The following PLXNA3 variants were observed in gnomAD, a reference collection of about 807,000 sequenced individuals.
PLXNA3 encodes plexin A3.
In PLXNA3, 52 loss-of-function variants were observed where a neutral mutation model predicts 118.8. The ratio of observed to expected loss-of-function variants is 0.44; its 90% CI spans 0.35 to 0.55. The LOEUF is 0.55. Among genes scored for constraint, PLXNA3 ranks in the 20% least tolerant of loss-of-function variants. PLXNA3 has a pLI of 0.01. For synonymous variants in PLXNA3, 925 were observed against 762.4 expected, an observed-to-expected ratio of 1.21 and a Z score of -3.51; for missense variants, 1,660 against 1,730.8, an observed-to-expected ratio of 0.96 and a Z score of 0.73.
At chrX:154,468,629 C>T (rs781874190) in intron 23 of PLXNA3, 34 bp from the exon 24 acceptor site, 2 of 1,209,393 alleles carry the variant, frequency 1.7e-6, no homozygotes, top group Admixed American at 2.2e-5. Context: ...AAGCCCCACC[C>T]CTGCCAGGCC....
intron 2 of PLXNA3, among the ~76,000 whole-genome samples, 154 bp downstream of exon 2, chrX:154,460,931 G>A (rs781961612): frequency 2.7e-5 from 3 of 112,480 alleles, no homozygotes; most frequent in African/African-American, 9.7e-5. Context: ...CCCAGGTTGC[G>A]GGGGTCCCCT....
At chrX:154,468,603 G>A (rs782385842) in intron 23 of PLXNA3, 44 bp downstream of exon 23, 1 of 1,208,546 alleles carries the variant, frequency 8.3e-7, no homozygotes, top group Non-Finnish European at 1.1e-6. Flanking sequence ...GTCCTGCCTG[G>A]GCCTGCCCCC....
rs782759488 is a variant in PLXNA3, at chrX:154,469,967, T to C, written c.4796-10T>C. 1 of 1,208,997 alleles carries C rather than the reference T, an allele frequency of 8.3e-7. No homozygotes were observed. On this transcript the variant is annotated splice_polypyrimidine_tract_variant and intron_variant, in intron 28 of 32. Coordinates refer to ENST00000369682, the MANE Select transcript of PLXNA3 (RefSeq NM_017514.5). ...GGTGGCCTAAGGGTCACATGCATTC[T>C]CTGCTCCAGAGAGCTTGCTCCGCAC...
chrX:154,471,116 G>A lies in PLXNA3; in HGVS notation c.5168G>A (p.Arg1723His). The change falls in exon 31 of 33, where the codon CGC becomes CAC. Residue 1723 changes from arginine to histidine, a missense_variant. Arg to His is a conservative substitution (Grantham distance 29). This residue lies in a region of PLXNA3 where 869 missense variants were observed against 1,078.7 expected (regional missense o/e 0.81). Transcript: ENST00000369682. Reference sequence around the variant, plus strand: ...TCTGTTGTCCACAGCCTGCCGCTGCGCTTCTGGGTGAATGTGATCAAGAAC... The same window carrying A: ...TCTGTTGTCCACAGCCTGCCGCTGCACTTCTGGGTGAATGTGATCAAGAAC... ...HTWKSNCLPL[R>H]FWVNVIKNPQ... 2 of 1,210,570 alleles carry A rather than the reference G, an allele frequency of 1.7e-6. No homozygotes were observed. Among genetic ancestry groups the A allele is most frequent in the Non-Finnish European group, 2.2e-6 (2 of 894,868 alleles).
In PLXNA3 at chrX:154,472,767, C is replaced by T; in HGVS notation, c.*82C>T. On this transcript the variant is annotated 3_prime_UTR_variant, in exon 33 of 33. Transcript: ENST00000369682. ...GGGAGTGGCTGGCTCAAGCCTGGGT[C>T]CCCGGGCTGAGCCCTGGATTGGGTA... The T allele has an allele frequency of 2.7e-6, 2 of 733,549 alleles. No individual in the cohort carries two copies. Among genetic ancestry groups the T allele is most frequent in the Non-Finnish European group, 4.3e-6 (2 of 468,536 alleles). The allele number at this position is 733,549 out of a possible 1,213,427, so 60.5% of individuals were successfully genotyped here. A position where few individuals can be genotyped will look rare whatever the true frequency, so the allele number is the denominator to read the frequency against.
chrX:154,465,514 T>C lies in PLXNA3; in HGVS notation c.2335T>C (p.Phe779Leu). Reference sequence around the variant, plus strand: ...CTTCCCCATAGACAAGCCTCCCAGCTTCCGAGGTGAAGGCATGGGCCAGGG... The same window carrying C: ...CTTCCCCATAGACAAGCCTCCCAGCCTCCGAGGTGAAGGCATGGGCCAGGG... ...GDFPIDKPPS[F>L]RALLYKCWAQ... Residue 779 changes from phenylalanine (F) to leucine (L), a missense_variant, in exon 12 of 33, where the codon TTC becomes CTC. Coordinates refer to ENST00000369682, the MANE Select transcript of PLXNA3 (RefSeq NM_017514.5). 8.3e-7 allele frequency: 1 copy of C among 1,203,069 alleles called. No homozygotes were observed. The highest frequency in any genetic ancestry group is 1.1e-6 in the Non-Finnish European group (1 of 887,603).
intron 4 of PLXNA3, among the ~76,000 whole-genome samples, chrX:154,462,955 G>C (rs1050105233): frequency 9.0e-6 from 1 of 111,295 alleles, no homozygotes; most frequent in Admixed American, 9.5e-5. Flanking sequence ...AGGGTTTGTG[G>C]AGAAGGATGA....
Position 154,460,838 on chromosome X carries a change from C to T in PLXNA3, c.594+61C>T, listed in dbSNP as rs1232253714. Reference sequence around the variant, plus strand: ...GTCCTGGCTCTGCCTCCCAGAAGAGCCCTGTTCTTTCTGAGAGGGGACTTT... The same window carrying T: ...GTCCTGGCTCTGCCTCCCAGAAGAGTCCTGTTCTTTCTGAGAGGGGACTTT... On this transcript the variant is annotated intron_variant, in intron 2 of 32. Transcript: ENST00000369682. 5.6e-6 allele frequency: 5 copies of T among 886,031 alleles called. No individual in the cohort carries two copies. In the Admixed American group the frequency reaches 9.7e-5, roughly 17 times the overall value. 73.0% of individuals were successfully genotyped at this position (886,031 alleles called of 1,213,427 possible).
intron 22 of PLXNA3, 36 bp downstream of exon 22, chrX:154,468,260 T>C (rs782482807): frequency 2.5e-5 from 29 of 1,173,491 alleles, no homozygotes; most frequent in Non-Finnish European, 3.1e-5. Flanking sequence ...CACCATTCCC[T>C]TCAGGGCCGC....
In PLXNA3 at chrX:154,465,420, C is replaced by T. The variant is rs2069063851; in HGVS notation, c.2245-4C>T. ...CTGGGGTCCCATGGGTTCCTTTCCT[C>T]CAGTACTCCTATGAAGGTGATGAGC... On this transcript the variant is annotated splice_region_variant and splice_polypyrimidine_tract_variant and intron_variant, in intron 11 of 32. Transcript: ENST00000369682. The T allele has an allele frequency of 8.4e-7, 1 of 1,196,057 alleles. No individual in the cohort carries two copies. Among genetic ancestry groups the T allele is most frequent in the African/African-American group, 1.8e-5 (1 of 56,611 alleles).
In PLXNA3 at chrX:154,469,959, A is replaced by G. The variant is rs1557208802; in HGVS notation, c.4796-18A>G. 2 of 1,206,200 alleles carry G rather than the reference A, an allele frequency of 1.7e-6. No individual in the cohort carries two copies. The highest frequency in any genetic ancestry group is 2.2e-6 in the Non-Finnish European group (2 of 892,117). On this transcript the variant is annotated intron_variant, in intron 28 of 32. Coordinates refer to ENST00000369682, the MANE Select transcript of PLXNA3 (RefSeq NM_017514.5). ...GGCCAGGTGGTGGCCTAAGGGTCAC[A>G]TGCATTCTCTGCTCCAGAGAGCTTG...
chrX:154,466,109 C>T (rs920977410), intron 14 of PLXNA3, 29 bp downstream of exon 14: 12 of 1,208,241 alleles, frequency 9.9e-6, no homozygotes, highest in Non-Finnish European at 1.2e-5. Context: ...GTGCCCGGGC[C>T]GTATGTGGCC....
At chrX:154,470,710 G>A in intron 30 of PLXNA3, 99 bp downstream of exon 30, 1 of 838,660 alleles carries the variant, frequency 1.2e-6, no homozygotes, top group Non-Finnish European at 1.7e-6. Context: ...GTAGCATCCA[G>A]GCAGGAGGGA....
intron 30 of PLXNA3, chrX:154,470,837 C>T (rs1234998500): frequency 4.5e-6 from 2 of 448,075 alleles, no homozygotes; most frequent in Non-Finnish European, 7.7e-6. Context: ...GGCCTTTGCC[C>T]TCTGGGGTCT....
rs201608832 is a variant in PLXNA3, at chrX:154,465,014, G to A, written c.2044-4G>A. On this transcript the variant is annotated splice_region_variant and splice_polypyrimidine_tract_variant and intron_variant, in intron 10 of 32. Transcript: ENST00000369682. ...TGTGCAGCTGACAGGTGCTTTCCCC[G>A]CAGGGCTGCCCTGAGATCCTGCCCA... is the stretch of plus-strand genomic sequence containing the variant. 575 of 1,189,151 alleles carry A rather than the reference G, an allele frequency of 4.8e-4. 2 individuals are homozygous for A. The African/African-American group carries it at 6.5e-3, about 13-fold the overall frequency.
At position 154,475,463 on chromosome X, in the gene PLXNA3, G is replaced by GC. The variant is rs1456631710; in HGVS notation, c.*2780dup. Reference sequence around the variant, plus strand: ...AATTTTAAATAGGGTGGCTTGGACAGCCACCTGAGTTGGGTTTAAAAGCTG... The same window carrying GC: ...AATTTTAAATAGGGTGGCTTGGACAGCCCACCTGAGTTGGGTTTAAAAGCTG... On this transcript the variant is annotated 3_prime_UTR_variant, in exon 33 of 33. Coordinates refer to ENST00000369682, the MANE Select transcript of PLXNA3 (RefSeq NM_017514.5). 2 of 111,966 alleles carry GC rather than the reference G, an allele frequency of 1.8e-5. No homozygotes were observed. The highest frequency in any genetic ancestry group is 3.8e-5 in the Non-Finnish European group (2 of 53,151). 9.2% of individuals were successfully genotyped at this position (111,966 alleles called of 1,213,427 possible).
In PLXNA3 at chrX:154,460,425, C is replaced by G. The variant is rs1557203378; in HGVS notation, c.242C>G (p.Pro81Arg). Residue 81 changes from proline to arginine, a missense_variant, in exon 2 of 33, where the codon CCC (proline) becomes CGC (arginine). Physicochemically the swap from Pro to Arg is moderately radical, Grantham distance 103 (BLOSUM62 -2). Around this residue, in one of 2 missense-constraint regions of PLXNA3, gnomAD observed 791 missense variants for 652.1 expected, o/e 1.21. Transcript: ENST00000369682. ...GACAACGCTCGCTGCTACCCGCCCC[C>G]CAGCATGCGCGTGTGTGCCCACCGC... ...VEDNARCYPP[P>R]SMRVCAHRLA... 1 of 1,203,121 alleles carries G rather than the reference C, an allele frequency of 8.3e-7. No individual in the cohort carries two copies. The highest frequency in any genetic ancestry group is 3.0e-5 in the East Asian group (1 of 33,686).
Position 154,466,019 on chromosome X carries a change from G to C in PLXNA3, c.2617G>C (p.Gly873Arg). ...ENLGLLSREV[G>R]LRVAGVRCNS... The stretch of plus-strand genomic sequence containing the variant: ...CCTGGGCCTCTTGTCCCGAGAGGTG[G>C]GCCTGCGGGTGGCTGGCGTGCGTTG... Residue 873 changes from glycine to arginine, a missense_variant, in exon 14 of 33, where the codon GGC becomes CGC. Physicochemically the swap from Gly to Arg is moderately radical, Grantham distance 125. This residue lies in a region of PLXNA3 where 869 missense variants were observed against 1,078.7 expected (regional missense o/e 0.81). Transcript: ENST00000369682. 1 of 1,210,642 alleles carries C rather than the reference G, an allele frequency of 8.3e-7. No individual in the cohort carries two copies. Among genetic ancestry groups the C allele is most frequent in the Non-Finnish European group, 1.1e-6 (1 of 894,768 alleles).
chrX:154,460,967 C>T (rs1569554097), intron 2 of PLXNA3, 132 bp from the exon 3 acceptor site: 16 of 677,142 alleles, frequency 2.4e-5, no homozygotes, highest in Non-Finnish European at 3.5e-5. Flanking sequence ...GGTCACCCTG[C>T]CCTCTGCAGC....
Sources: allele counts gnomAD v4.1 joint callset (sites outside exome capture counted in the v4.1 genomes callset), GRCh38; gene constraint gnomAD v4.1.1; regional missense constraint gnomAD v4.1.1; transcripts MANE v1.5; gene names NCBI Gene and HGNC (gene_info 2026-07-23, HGNC 2026-07-21).